The following TCERG1L variants were observed in gnomAD, a reference collection of about 807,000 sequenced individuals.
TCERG1L encodes transcription elongation regulator 1-like protein.
TCERG1L carries 37 observed loss-of-function variants against 56.3 expected under a neutral mutation model. The observed-to-expected ratio is 0.66, with a 90% CI of 0.51 to 0.87. The LOEUF is 0.87. TCERG1L is among the 40% of genes least tolerant of loss of function. TCERG1L has a pLI of 0.00. For missense variants in TCERG1L, 799 were observed against 774.2 expected, an observed-to-expected ratio of 1.03 and a Z score of -0.38; for synonymous variants, 324 against 326.3, an observed-to-expected ratio of 0.99 and a Z score of 0.08.
chr10:131,138,326 T>C (rs887289378), intron 7 of TCERG1L, among the ~76,000 whole-genome samples: 1 of 152,140 alleles, frequency 6.6e-6, no homozygotes, highest in African/African-American at 2.4e-5. Context: ...GAGGCTGCCA[T>C]TCTCTGCTGA....
intron 6 of TCERG1L, among the ~76,000 whole-genome samples, chr10:131,151,492 G>A (rs1257866743): frequency 6.6e-6 from 1 of 152,178 alleles, no homozygotes; most frequent in Non-Finnish European, 1.5e-5. Flanking sequence ...AGGTCATGCT[G>A]ATGCAAGAGG....
intron 4 of TCERG1L, among the ~76,000 whole-genome samples, chr10:131,182,903 G>A (rs1359420053): frequency 3.3e-5 from 5 of 152,006 alleles, no homozygotes; most frequent in Non-Finnish European, 2.9e-5. Flanking sequence ...GATACAAATG[G>A]CTTTAATTAG....
At position 131,155,402 on chromosome 10, in the gene TCERG1L, C is replaced by G. The variant is rs553783098; in HGVS notation, c.1034+7720G>C. Among the ~76,000 whole-genome samples, 45 of 152,342 alleles carry G rather than the reference C, an allele frequency of 3.0e-4. No homozygotes were observed. The South Asian group carries it at 6.2e-3, about 21-fold the overall frequency. On this transcript the variant is annotated intron_variant, in intron 6 of 11. Coordinates refer to ENST00000368642, the MANE Select transcript of TCERG1L (RefSeq NM_174937.4). ...GCCCTGCCAGCTCTGCCCAGCCTTG[C>G]AGCACAGACACAAGTCCCCGGAGGC...
At chr10:131,261,548 G>C (rs573684206) in intron 3 of TCERG1L, among the ~76,000 whole-genome samples, 1 of 152,366 alleles carries the variant, frequency 6.6e-6, no homozygotes. Flanking sequence ...GTTAGTGCCA[G>C]AGCGAGGTCT....
chr10:131,279,932 TGA>T (rs965906810), intron 3 of TCERG1L, among the ~76,000 whole-genome samples: 8 of 152,114 alleles, frequency 5.3e-5, no homozygotes, highest in Non-Finnish European at 1.2e-4. Context: ...GAGTGACAGG[TGA>T]GAGTTTCTCC....
chr10:131,303,321 A>G (rs1846786578), intron 3 of TCERG1L, among the ~76,000 whole-genome samples: 1 of 152,080 alleles, frequency 6.6e-6, no homozygotes, highest in Non-Finnish European at 1.5e-5. Flanking sequence ...TCGCCATTCT[A>G]ACTGGCATAA....
At chr10:131,272,504 T>G (rs181635140) in intron 3 of TCERG1L, among the ~76,000 whole-genome samples, 6 of 152,088 alleles carry the variant, frequency 3.9e-5, no homozygotes, top group Admixed American at 3.9e-4. Context: ...CCATGTTAGG[T>G]GTTTGAGTAT....
At chr10:131,294,224 G>C (rs980765952) in intron 3 of TCERG1L, among the ~76,000 whole-genome samples, 11 of 152,124 alleles carry the variant, frequency 7.2e-5, no homozygotes, top group Non-Finnish European at 1.5e-4. Flanking sequence ...TGCAACAGCA[G>C]TCACCTCCCT....
At chr10:131,248,248 ACACT>A (rs1335308434) in intron 4 of TCERG1L, among the ~76,000 whole-genome samples, 1 of 143,320 alleles carries the variant, frequency 7.0e-6, no homozygotes, top group Non-Finnish European at 1.5e-5. Flanking sequence ...CGACTCACAC[ACACT>A]GATAAACTCA....
At chr10:131,258,477 C>T (rs1846197733) in intron 4 of TCERG1L, among the ~76,000 whole-genome samples, 1 of 152,194 alleles carries the variant, frequency 6.6e-6, no homozygotes, top group African/African-American at 2.4e-5. Context: ...ACCACACCCA[C>T]CCATGAAGCC....
intron 4 of TCERG1L, among the ~76,000 whole-genome samples, chr10:131,257,389 G>A (rs963531924): frequency 4.6e-5 from 7 of 152,352 alleles, no homozygotes; most frequent in Middle Eastern, 6.8e-3. Flanking sequence ...ACCTGGTCAC[G>A]GGCTCTTTAA....
intron 4 of TCERG1L, among the ~76,000 whole-genome samples, chr10:131,229,894 A>G (rs980659628): frequency 1.3e-5 from 2 of 152,248 alleles, no homozygotes; most frequent in African/African-American, 4.8e-5. Flanking sequence ...CTTCTGAACG[A>G]AGCGCTGAGG....
chr10:131,214,688 C>T (rs866921720), intron 4 of TCERG1L, among the ~76,000 whole-genome samples: 7 of 152,216 alleles, frequency 4.6e-5, no homozygotes, highest in East Asian at 3.9e-4. Context: ...TATCTGAAGG[C>T]GGAGGGGTGC....
chr10:131,108,804 A>G (rs1845380473), intron 9 of TCERG1L, among the ~76,000 whole-genome samples: 1 of 151,982 alleles, frequency 6.6e-6, no homozygotes, highest in African/African-American at 2.4e-5. Context: ...AGCTCACTGG[A>G]TGTTGCGAGA....
intron 6 of TCERG1L, among the ~76,000 whole-genome samples, chr10:131,150,502 C>T (rs1257162709): frequency 6.6e-6 from 1 of 152,240 alleles, no homozygotes; most frequent in African/African-American, 2.4e-5. Flanking sequence ...CCAACCCTCC[C>T]ACTGGCTTGG....
At chr10:131,177,269 C>A (rs1845111531) in intron 4 of TCERG1L, among the ~76,000 whole-genome samples, 1 of 152,182 alleles carries the variant, frequency 6.6e-6, no homozygotes, top group Admixed American at 6.5e-5. Context: ...ACACACATGC[C>A]CACGCAGACA....
At chr10:131,101,444 C>T (rs901850927) in intron 10 of TCERG1L, among the ~76,000 whole-genome samples, 5 of 152,242 alleles carry the variant, frequency 3.3e-5, no homozygotes, top group Admixed American at 6.5e-5. Context: ...AAGGGACTAA[C>T]GGCCTCAAAA....
rs117896986 is a variant in TCERG1L, at chr10:131,260,217, G to A, written c.856+42C>T. On this transcript the variant is annotated intron_variant, in intron 4 of 11. Transcript: ENST00000368642. The surrounding 1 kb of genome is among the most constrained non-coding windows in gnomAD (Gnocchi z 5.8). ...CTAACCAGGAAGCCTCCGCGCGCTC[G>A]CTAAGGCAGCACCAGGCGTCGGGAC... The A allele has an allele frequency of 0.016, 21,405 of 1,330,672 alleles. 261 individuals are homozygous for A. Among genetic ancestry groups the A allele is most frequent in the Middle Eastern group, 0.023 (86 of 3,818 alleles). 82.4% of individuals were successfully genotyped at this position (1,330,672 alleles called of 1,614,324 possible). A position where few individuals can be genotyped will look rare whatever the true frequency, so the allele number is the denominator to read the frequency against.
rs138340941 is a variant in TCERG1L, at chr10:131,222,906, T to C, written c.856+37353A>G. 6.2e-3 allele frequency among the ~76,000 whole-genome samples: 942 copies of C among 152,248 alleles called. 10 individuals carry two copies. The highest frequency in any genetic ancestry group is 0.02 in the African/African-American group (850 of 41,556). ...GAGGGTGTTTCCTGGGAGAAGGTGC[T>C]GTTACCCTAGGTGGCTGTGGCCGGT... is the stretch of plus-strand genomic sequence containing the variant. On this transcript the variant is annotated intron_variant, in intron 4 of 11. Coordinates refer to ENST00000368642, the MANE Select transcript of TCERG1L (RefSeq NM_174937.4).
Sources: gnomAD v4.1 joint callset for allele counts (sites outside exome capture counted in the v4.1 genomes callset) on GRCh38, gnomAD v4.1.1 for gene constraint, Gnocchi (gnomAD v3.1) non-coding constraint, MANE v1.5 for transcripts, NCBI Gene and HGNC (gene_info 2026-07-23, HGNC 2026-07-21) for gene names.